MICAL2: variants seen among roughly 807,000 people sequenced by gnomAD.
MICAL2 encodes microtubule associated monooxygenase, calponin and LIM domain containing 2, also known as [F-actin]-monooxygenase MICAL2.
Under a neutral mutation model 127.3 loss-of-function variants are expected in MICAL2, and 77 were observed. That is an observed-to-expected ratio of 0.60 (90% CI 0.50 to 0.73). The LOEUF (loss-of-function observed/expected upper bound fraction) is 0.73. MICAL2 is among the 30% of genes least tolerant of loss of function. MICAL2 has a pLI of 0.00. For synonymous variants in MICAL2, 570 were observed against 551.1 expected (o/e 1.03, Z -0.48); for missense variants, 1,351 against 1,434.4 (o/e 0.94, Z 0.94).
intron 22 of MICAL2, chr11:12,255,389 T>C (rs891346158): frequency 1.6e-5 from 8 of 492,774 alleles, no homozygotes; most frequent in African/African-American, 5.8e-5. Flanking sequence ...TTTTGACTAC[T>C]CTAGGTACCA....
chr11:12,260,157 A>G (rs1490460612), intron 26 of MICAL2: 4 of 1,521,856 alleles, frequency 2.6e-6, no homozygotes, highest in Non-Finnish European at 3.5e-6. Flanking sequence ...GGTGCTTCCC[A>G]GTCAAGCTCC....
chr11:12,135,138 G>A (rs1851738178), intron 1 of MICAL2, among the ~76,000 whole-genome samples: 1 of 152,212 alleles, frequency 6.6e-6, no homozygotes, highest in African/African-American at 2.4e-5. Context: ...CCCACCTTGA[G>A]TCCTATACCC....
At chr11:12,294,580 C>A (rs371196001), downstream of MICAL2, 9 of 1,614,096 alleles carry the variant, frequency 5.6e-6, no homozygotes, top group Non-Finnish European at 7.6e-6. Flanking sequence ...AAGAGAACTT[C>A]CCAGATGCTT....
intron 32 of MICAL2, among the ~76,000 whole-genome samples, chr11:12,330,822 G>GGAGAGAGA (rs1307982974): frequency 3.9e-5 from 5 of 129,520 alleles, no homozygotes; most frequent in African/African-American, 5.9e-5. Flanking sequence ...AGAGAGAGAG[G>GGAGAGAGA]GAGAGACAGA....
chr11:12,201,348 G>T lies in MICAL2; in HGVS notation c.265-2902G>T, dbSNP rs1853957947. Among the ~76,000 whole-genome samples, 7 of 152,124 alleles carry T rather than the reference G, an allele frequency of 4.6e-5. No homozygotes were observed. The South Asian group carries it at 1.5e-3, about 32-fold the overall frequency. ...TGCACTGTCCCTTTGGGACCCTGCA[G>T]GCCCAGCTGAGTGATAACTGGATGA... is the stretch of plus-strand genomic sequence containing the variant. On this transcript the variant is annotated intron_variant, in intron 3 of 27. Transcript: ENST00000683283.
At chr11:12,117,978 C>A (rs376126896) in intron 1 of MICAL2, among the ~76,000 whole-genome samples, 16 of 152,118 alleles carry the variant, frequency 1.1e-4, no homozygotes, top group Non-Finnish European at 2.2e-4. Context: ...CCTTGGGGAC[C>A]ATGGGGTCCA....
chr11:12,138,936 A>G (rs748750490), intron 2 of MICAL2, among the ~76,000 whole-genome samples: 2 of 152,128 alleles, frequency 1.3e-5, no homozygotes, highest in Non-Finnish European at 2.9e-5. Flanking sequence ...TTTATTTTAT[A>G]GACATGGAGG....
At chr11:12,336,036 C>A (rs1348469383) in intron 32 of MICAL2, among the ~76,000 whole-genome samples, 6 of 152,142 alleles carry the variant, frequency 3.9e-5, no homozygotes, top group Admixed American at 6.5e-5. Flanking sequence ...CTATAAATTA[C>A]CTTAGGCAGT....
chr11:12,327,938 G>A (rs1047313585), intron 32 of MICAL2, among the ~76,000 whole-genome samples: 3 of 151,866 alleles, frequency 2.0e-5, no homozygotes, highest in Non-Finnish European at 4.4e-5. Context: ...CTACCTGTAC[G>A]ACCTTGGGCC....
In MICAL2 at chr11:12,199,781, C is replaced by T. The variant is rs7928854; in HGVS notation, c.265-4469C>T. ...ATAAAGAGCTGATTTTTCCATGAGG[C>T]GTTTGTCTCTCCTCTGTGCTAACGT... On this transcript the variant is annotated intron_variant, in intron 3 of 27. Transcript: ENST00000683283. 5.8e-3 allele frequency among the ~76,000 whole-genome samples: 888 copies of T among 152,286 alleles called. 14 individuals are homozygous for T. The highest frequency in any genetic ancestry group is 0.021 in the African/African-American group (852 of 41,560).
chr11:12,311,767 A>G (rs1160226433), intron 29 of MICAL2, among the ~76,000 whole-genome samples: 1 of 152,176 alleles, frequency 6.6e-6, no homozygotes, highest in Non-Finnish European at 1.5e-5. Context: ...TCATAACACA[A>G]CTTGAGAGTG....
chr11:12,239,603 C>T lies in MICAL2; in HGVS notation c.2214+18C>T, dbSNP rs1290131998. On this transcript the variant is annotated intron_variant, in intron 17 of 27. Transcript: ENST00000683283. ...TGAAGCAGGTGAGTCATGTCAAATA[C>T]TCACTGGACCTAACTTCCTGGTGAC... 1 of 1,609,338 alleles carries T rather than the reference C, an allele frequency of 6.2e-7. No homozygotes were observed. Among genetic ancestry groups the T allele is most frequent in the South Asian group, 1.1e-5 (1 of 90,344 alleles).
chr11:12,180,200 G>A (rs925686423), intron 3 of MICAL2, among the ~76,000 whole-genome samples: 2 of 152,068 alleles, frequency 1.3e-5, no homozygotes, highest in African/African-American at 4.8e-5. Flanking sequence ...AGATGTGGTG[G>A]GTTGCCATCT....
At chr11:12,153,492 C>T (rs932170447) in intron 2 of MICAL2, among the ~76,000 whole-genome samples, 6 of 152,254 alleles carry the variant, frequency 3.9e-5, no homozygotes, top group Admixed American at 1.3e-4. Flanking sequence ...GGCTGGAGTG[C>T]GGTGGTGCAA....
chr11:12,275,643 GTT>G (rs1863716135), upstream of MICAL2, among the ~76,000 whole-genome samples: 2 of 152,214 alleles, frequency 1.3e-5, no homozygotes, highest in Non-Finnish European at 2.9e-5. Flanking sequence ...GAACTGAGAT[GTT>G]ACCACTGGAT....
intron 3 of MICAL2, among the ~76,000 whole-genome samples, chr11:12,194,280 C>T (rs1008521795): frequency 1.3e-5 from 2 of 152,176 alleles, no homozygotes; most frequent in Non-Finnish European, 2.9e-5. Flanking sequence ...GGATTTGAAT[C>T]CTAGCTTCAC....
chr11:12,126,705 TAAA>T (rs5789711), intron 1 of MICAL2, among the ~76,000 whole-genome samples: 13 of 144,296 alleles, frequency 9.0e-5, no homozygotes, highest in African/African-American at 3.3e-4. Flanking sequence ...CTTATGTGTG[TAAA>T]AAAAAAAAAA....
intron 1 of MICAL2, among the ~76,000 whole-genome samples, chr11:12,136,428 T>C (rs563264943): frequency 6.6e-6 from 1 of 152,240 alleles, no homozygotes; most frequent in South Asian, 2.1e-4. Context: ...GCTGGGAGGA[T>C]TAGCTGAGGT....
chr11:12,208,890 A>G (rs986918590), intron 5 of MICAL2, among the ~76,000 whole-genome samples: 3 of 152,168 alleles, frequency 2.0e-5, no homozygotes, highest in Non-Finnish European at 4.4e-5. Context: ...TTATTTGAGA[A>G]TTTAGGGGAG....
Sources: gnomAD v4.1 joint callset for allele counts (sites outside exome capture counted in the v4.1 genomes callset) on GRCh38, gnomAD v4.1.1 for gene constraint, MANE v1.5 for transcripts, NCBI Gene and HGNC (gene_info 2026-07-23, HGNC 2026-07-21) for gene names.